The following ENPP6 variants were observed in gnomAD, a reference collection of about 807,000 sequenced individuals.
The protein encoded by ENPP6 is ectonucleotide pyrophosphatase/phosphodiesterase 6.
ENPP6 carries 32 observed loss-of-function variants against 42.0 expected under a neutral mutation model. The observed-to-expected ratio is 0.76, with a 90% CI of 0.58 to 1.02. ENPP6 has a LOEUF of 1.02. Ranked by LOEUF, ENPP6 falls within the 50% of genes least tolerant of loss-of-function variation. The pLI is 0.00. For synonymous variants in ENPP6, 213 were observed against 216.0 expected, an observed-to-expected ratio of 0.99 and a Z score of 0.12; for missense variants, 552 against 566.8, an observed-to-expected ratio of 0.97 and a Z score of 0.27.
intron 1 of ENPP6, among the ~76,000 whole-genome samples, chr4:184,211,123 C>T (rs1286768806): frequency 6.7e-6 from 1 of 150,220 alleles, no homozygotes; most frequent in African/African-American, 2.5e-5. Context: ...TAAATGCCCA[C>T]AAGAGAAAGC....
chr4:184,173,201 G>A (rs1047292551), intron 1 of ENPP6, among the ~76,000 whole-genome samples: 2 of 152,022 alleles, frequency 1.3e-5, no homozygotes, highest in African/African-American at 2.4e-5. Flanking sequence ...CACCGCGCCC[G>A]GCCTATCGAG....
intron 1 of ENPP6, among the ~76,000 whole-genome samples, chr4:184,199,597 G>T (rs1732859578): frequency 1.3e-5 from 2 of 152,142 alleles, no homozygotes; most frequent in Admixed American, 1.3e-4. Context: ...AGAGCCCAAG[G>T]CTTGGGTGCC....
rs1167798389 is a variant in ENPP6, at chr4:184,179,487, T to C, written c.242-25754A>G. On this transcript the variant is annotated intron_variant, in intron 1 of 7. Transcript: ENST00000296741. The stretch of plus-strand genomic sequence containing the variant: ...GAAAATTAACAAAGATATTCAGGAC[T>C]TGAACTCAGCCCTGGATCGAGTGGA... 2.0e-5 allele frequency among the ~76,000 whole-genome samples: 3 copies of C among 152,176 alleles called. No individual in the cohort carries two copies. The East Asian group carries it at 5.8e-4, about 29-fold the overall frequency.
chr4:184,196,461 A>C (rs537883111), intron 1 of ENPP6, among the ~76,000 whole-genome samples: 1 of 152,370 alleles, frequency 6.6e-6, no homozygotes, highest in African/African-American at 2.4e-5. Flanking sequence ...ATGACTATGT[A>C]TGTCAATACT....
intron 6 of ENPP6, among the ~76,000 whole-genome samples, chr4:184,104,707 T>C (rs1410722132): frequency 6.6e-6 from 1 of 152,256 alleles, no homozygotes; most frequent in Non-Finnish European, 1.5e-5. Context: ...GTGACTGGTT[T>C]ACACACCAAC....
rs539277351 is a variant in ENPP6, at chr4:184,088,987, T to A, written c.*2190A>T. ...GTTTGATGATCCAATTTTAATTTAA[T>A]CATTTGAGTATCTCTTAGGGATTCT... On this transcript the variant is annotated 3_prime_UTR_variant, in exon 8 of 8. Coordinates refer to ENST00000296741, the MANE Select transcript of ENPP6 (RefSeq NM_153343.4). The A allele has an allele frequency of 6.6e-6, 1 of 152,330 alleles. No individual in the cohort carries two copies. Among genetic ancestry groups the A allele is most frequent in the African/African-American group, 2.4e-5 (1 of 41,580 alleles). The allele number at this position is 152,330 out of a possible 1,614,324, so 9.4% of individuals were successfully genotyped here. A position where few individuals can be genotyped will look rare whatever the true frequency, so the allele number is the denominator to read the frequency against.
At chr4:184,193,586 A>T (rs2111109222) in intron 1 of ENPP6, among the ~76,000 whole-genome samples, 1 of 152,334 alleles carries the variant, frequency 6.6e-6, no homozygotes, top group South Asian at 2.1e-4. Context: ...ACTAAAAATA[A>T]CTGGGTTGTA....
intron 1 of ENPP6, among the ~76,000 whole-genome samples, chr4:184,210,784 A>G (rs1561013539): frequency 1.3e-5 from 2 of 151,948 alleles, no homozygotes; most frequent in East Asian, 1.9e-4. Flanking sequence ...CAGAATATAC[A>G]TTTTTTTCAG....
chr4:184,122,010 A>G (rs1407230924), intron 3 of ENPP6, among the ~76,000 whole-genome samples: 1 of 152,154 alleles, frequency 6.6e-6, no homozygotes, highest in Non-Finnish European at 1.5e-5. Flanking sequence ...GCCTATTATT[A>G]TTCTTTTCTT....
chr4:184,149,567 A>T (rs1324029355), intron 2 of ENPP6, among the ~76,000 whole-genome samples: 1 of 152,212 alleles, frequency 6.6e-6, no homozygotes. Context: ...GGAAGAGGCC[A>T]GGAGAAGAGC....
At chr4:184,125,610 C>T (rs1736490416) in intron 2 of ENPP6, among the ~76,000 whole-genome samples, 1 of 152,084 alleles carries the variant, frequency 6.6e-6, no homozygotes, top group South Asian at 2.1e-4. Flanking sequence ...CTCCAGAAAG[C>T]ATCCCTTCAT....
chr4:184,182,409 G>A (rs761719273), intron 1 of ENPP6, among the ~76,000 whole-genome samples: 1 of 152,142 alleles, frequency 6.6e-6, no homozygotes, highest in Non-Finnish European at 1.5e-5. Flanking sequence ...CACACTGTTG[G>A]TGGTAGTGTA....
At chr4:184,119,769 G>A (rs1013772037) in intron 3 of ENPP6, among the ~76,000 whole-genome samples, 3 of 152,158 alleles carry the variant, frequency 2.0e-5, no homozygotes, top group African/African-American at 7.2e-5. Flanking sequence ...TCATGATCGT[G>A]AGTGAGTTCC....
intron 2 of ENPP6, among the ~76,000 whole-genome samples, chr4:184,149,431 T>C (rs897873867): frequency 3.9e-5 from 6 of 152,138 alleles, no homozygotes; most frequent in Non-Finnish European, 7.4e-5. Context: ...AGAAGCTGAG[T>C]CAAATGCCCA....
At position 184,116,957 on chromosome 4, in the gene ENPP6, C is replaced by A. The variant is rs1736324963; in HGVS notation, c.754G>T (p.Val252Leu). 6.2e-7 allele frequency: 1 copy of A among 1,614,188 alleles called. No individual in the cohort carries two copies. Among genetic ancestry groups the A allele is most frequent in the Non-Finnish European group, 8.5e-7 (1 of 1,180,032 alleles). ...GMTDIFWMDK[V>L]IELNKYISLN... Reference sequence around the variant, plus strand: ...CTGATGTACTTATTCAGCTCAATCACTTTGTCCATCCAGAAAATGTCGGTC... The same window carrying A: ...CTGATGTACTTATTCAGCTCAATCAATTTGTCCATCCAGAAAATGTCGGTC... Residue 252 changes from valine (V) to leucine (L), a missense_variant, in exon 5 of 8, where the codon GTG becomes TTG. Physicochemically the swap from Val to Leu is conservative, Grantham distance 32 (BLOSUM62 1). Coordinates refer to ENST00000296741, the MANE Select transcript of ENPP6 (RefSeq NM_153343.4).
chr4:184,208,558 A>G (rs1733041729), intron 1 of ENPP6, among the ~76,000 whole-genome samples: 1 of 151,950 alleles, frequency 6.6e-6, no homozygotes, highest in Non-Finnish European at 1.5e-5. Flanking sequence ...GGACCACGAG[A>G]TTATAACCCG....
At chr4:184,139,176 C>T (rs1268892714) in intron 2 of ENPP6, among the ~76,000 whole-genome samples, 1 of 152,226 alleles carries the variant, frequency 6.6e-6, no homozygotes, top group Non-Finnish European at 1.5e-5. Flanking sequence ...AAAACATCTG[C>T]CCTTACCTCT....
At chr4:184,167,266 C>T (rs1180512027) in intron 1 of ENPP6, among the ~76,000 whole-genome samples, 4 of 152,210 alleles carry the variant, frequency 2.6e-5, no homozygotes, top group Non-Finnish European at 4.4e-5. Context: ...CAGGCATCCA[C>T]CACCATGCCC....
At chr4:184,144,883 T>G (rs1436004976) in intron 2 of ENPP6, among the ~76,000 whole-genome samples, 1 of 152,234 alleles carries the variant, frequency 6.6e-6, no homozygotes, top group Non-Finnish European at 1.5e-5. Flanking sequence ...TTCCTTTATG[T>G]AAGGCACTGA....
Sources: allele counts gnomAD v4.1 joint callset (sites outside exome capture counted in the v4.1 genomes callset), GRCh38; gene constraint gnomAD v4.1.1; transcripts MANE v1.5; gene names NCBI Gene and HGNC (gene_info 2026-07-23, HGNC 2026-07-21).